The following PTPN9 variants were observed in gnomAD, a reference collection of about 807,000 sequenced individuals.
PTPN9 encodes protein tyrosine phosphatase non-receptor type 9.
Under a neutral mutation model 69.8 loss-of-function variants are expected in PTPN9, and 26 were observed. The observed-to-expected ratio is 0.37, with a 90% confidence interval of 0.27 to 0.52. PTPN9 has a LOEUF of 0.52. Among genes scored for constraint, PTPN9 ranks in the 20% least tolerant of loss-of-function variants. PTPN9 has a pLI of 0.91. For synonymous variants in PTPN9, 274 were observed against 272.5 expected (o/e 1.01, Z -0.05); for missense variants, 549 against 740.3 (o/e 0.74, Z 3.00).
intron 1 of PTPN9, among the ~76,000 whole-genome samples, chr15:75,530,074 C>T (rs576788698): frequency 3.3e-5 from 5 of 150,826 alleles, no homozygotes; most frequent in South Asian, 2.1e-4. Flanking sequence ...TGGTGGCATG[C>T]GCCTGTGCTC....
chr15:75,483,558 G>C (rs893553726), intron 8 of PTPN9, among the ~76,000 whole-genome samples: 1 of 152,210 alleles, frequency 6.6e-6, no homozygotes, highest in Non-Finnish European at 1.5e-5. Flanking sequence ...GAGGGAAATA[G>C]GTAGCGACTG....
chr15:75,504,064 T>G (rs1228646991), intron 7 of PTPN9, among the ~76,000 whole-genome samples: 1 of 105,468 alleles, frequency 9.5e-6, no homozygotes, highest in Non-Finnish European at 1.9e-5. Flanking sequence ...AGCCGACCCG[T>G]CCGGGAGGGA....
chr15:75,496,483 TA>T (rs2074742556), intron 7 of PTPN9, among the ~76,000 whole-genome samples: 1 of 144,592 alleles, frequency 6.9e-6, no homozygotes, highest in Non-Finnish European at 1.5e-5. Context: ...TAAAAGTCAC[TA>T]AAAGTATTAT....
At chr15:75,569,209 A>T (rs1157216967) in intron 1 of PTPN9, among the ~76,000 whole-genome samples, 1 of 152,204 alleles carries the variant, frequency 6.6e-6, no homozygotes, top group Non-Finnish European at 1.5e-5. Context: ...TGAACAAATA[A>T]TCAGGGTTAG....
intron 9 of PTPN9, among the ~76,000 whole-genome samples, chr15:75,474,622 T>G (rs940251981): frequency 1.3e-5 from 2 of 152,246 alleles, no homozygotes; most frequent in African/African-American, 4.8e-5. Flanking sequence ...CAACACTGAC[T>G]TACCCATTTC....
At chr15:75,527,300 G>A (rs967452296) in intron 1 of PTPN9, 39 bp from the exon 2 acceptor site, 2 of 1,607,490 alleles carry the variant, frequency 1.2e-6, no homozygotes, top group East Asian at 2.2e-5. Context: ...AGTAAGAAGA[G>A]AGCATATTTA....
chr15:75,514,570 C>T (rs12324230), intron 5 of PTPN9, among the ~76,000 whole-genome samples: 90,889 of 151,960 alleles, frequency 0.6, 28,476 homozygotes, highest in African/African-American at 0.8. Context: ...AGAGCAAGAC[C>T]TGGTCTTAAA....
chr15:75,550,247 C>A (rs2141334834), intron 1 of PTPN9, among the ~76,000 whole-genome samples: 1 of 150,056 alleles, frequency 6.7e-6, no homozygotes, highest in Admixed American at 6.6e-5. Context: ...CTCACTGCAA[C>A]CTCCACCTCC....
At chr15:75,565,593 G>A (rs1030649147) in intron 1 of PTPN9, among the ~76,000 whole-genome samples, 3 of 152,146 alleles carry the variant, frequency 2.0e-5, no homozygotes, top group Admixed American at 6.6e-5. Context: ...CAAATGTTCT[G>A]GGGGGAGGAT....
intron 1 of PTPN9, among the ~76,000 whole-genome samples, chr15:75,554,003 TTC>T (rs1359623346): frequency 9.9e-6 from 1 of 101,062 alleles, no homozygotes; most frequent in African/African-American, 4.8e-5. Context: ...AATACTTTCT[TTC>T]TTTTTTTTTT....
At chr15:75,539,552 C>T (rs1349244910) in intron 1 of PTPN9, among the ~76,000 whole-genome samples, 1 of 151,634 alleles carries the variant, frequency 6.6e-6, no homozygotes, top group Admixed American at 6.6e-5. Flanking sequence ...ATGATCCGCC[C>T]GCCTCAGCCT....
rs1850184616 is a variant in PTPN9 at position 75,578,998 on chromosome 15, T to TTTATATTA, written c.-230_-223dup. On this transcript the variant is annotated 5_prime_UTR_variant, in exon 1 of 13. Coordinates refer to ENST00000618819, the MANE Select transcript of PTPN9 (RefSeq NM_002833.4). ...GCTCTCTTCCGGGAGGAAATCCTTT[T>TTTATATTA]TTATATTATTCGCTCCGTTCCTCAC... 3.6e-6 allele frequency: 1 copy of TTTATATTA among 276,008 alleles called. No individual in the cohort carries two copies. The highest frequency in any genetic ancestry group is 5.3e-5 in the Admixed American group (1 of 18,864). The allele number at this position is 276,008 out of a possible 1,614,324, so 17.1% of individuals were successfully genotyped here.
chr15:75,506,263 A>G (rs1385949037), intron 6 of PTPN9, among the ~76,000 whole-genome samples: 2 of 152,192 alleles, frequency 1.3e-5, no homozygotes, highest in Non-Finnish European at 2.9e-5. Flanking sequence ...ACATCTTCTG[A>G]AAGGACGATG....
intron 7 of PTPN9, among the ~76,000 whole-genome samples, chr15:75,490,628 A>C (rs2074703953): frequency 6.6e-6 from 1 of 150,420 alleles, no homozygotes; most frequent in Admixed American, 6.7e-5. Context: ...ATGAGAGCTT[A>C]TCTCTTTTTT....
At chr15:75,487,344 T>G (rs1342617898) in intron 8 of PTPN9, 2 of 148,582 alleles carry the variant, frequency 1.3e-5, no homozygotes, top group Admixed American at 1.3e-4. Flanking sequence ...AACTAAAAAC[T>G]AAAATCAAAA....
chr15:75,577,346 A>G (rs1361584886), intron 1 of PTPN9, among the ~76,000 whole-genome samples: 1 of 152,218 alleles, frequency 6.6e-6, no homozygotes, highest in African/African-American at 2.4e-5. Context: ...AACACATCCT[A>G]TCTTAGTACT....
intron 1 of PTPN9, among the ~76,000 whole-genome samples, chr15:75,530,731 AT>A: frequency 6.1e-5 from 2 of 32,804 alleles, no homozygotes; most frequent in Non-Finnish European, 8.5e-5. Context: ...TATATAATAT[AT>A]ATTATTATAT....
rs553348797 is a variant in PTPN9 at position 75,514,789 on chromosome 15, C to T, written c.528+2470G>A. ...AGAAGAAGAAAAAATATATAGCTAA[C>T]GAATATATGAAGATATAGTTAATTT... is the stretch of plus-strand genomic sequence containing the variant. On this transcript the variant is annotated intron_variant, in intron 5 of 12. Transcript: ENST00000618819. 1.1e-4 allele frequency among the ~76,000 whole-genome samples: 16 copies of T among 152,012 alleles called. No homozygotes were observed. In the South Asian group the frequency reaches 3.3e-3, roughly 32 times the overall value.
intron 1 of PTPN9, among the ~76,000 whole-genome samples, chr15:75,560,621 T>C (rs1332481092): frequency 6.6e-6 from 1 of 152,134 alleles, no homozygotes; most frequent in East Asian, 1.9e-4. Context: ...CCTGTAATCC[T>C]AGCACTCTGG....
Sources: gnomAD v4.1 joint callset for allele counts (sites outside exome capture counted in the v4.1 genomes callset) on GRCh38, gnomAD v4.1.1 for gene constraint, MANE v1.5 for transcripts, NCBI Gene and HGNC (gene_info 2026-07-23, HGNC 2026-07-21) for gene names.